The following ATP6V0D2 variants were observed in gnomAD, a reference collection of about 807,000 sequenced individuals.
The protein encoded by ATP6V0D2 is V-type proton ATPase subunit d 2.
ATP6V0D2 carries 40 observed loss-of-function variants against 40.0 expected under a neutral mutation model. The ratio of observed to expected loss-of-function variants is 1.00; its 90% CI spans 0.78 to 1.30. The LOEUF is 1.30. ATP6V0D2 is among the 50% of genes most tolerant of loss of function. ATP6V0D2 has a pLI of 0.00. For synonymous variants in ATP6V0D2, 179 were observed against 156.3 expected, an observed-to-expected ratio of 1.15 and a Z score of -1.08; for missense variants, 470 against 423.1, an observed-to-expected ratio of 1.11 and a Z score of -0.97.
rs116227828 is a variant in ATP6V0D2, at chr8:86,127,979, G to C, written c.303-11478G>C. 9.8e-3 allele frequency among the ~76,000 whole-genome samples: 1,486 copies of C among 152,242 alleles called. 21 individuals are homozygous for C. The highest frequency in any genetic ancestry group is 0.034 in the African/African-American group (1,400 of 41,544). ...TGCCTGTAATCTCAGCACTTTGGAA[G>C]GCCATGGTGGAAAGATCACTTGAGC... On this transcript the variant is annotated intron_variant, in intron 2 of 7. Coordinates refer to ENST00000285393, the MANE Select transcript of ATP6V0D2 (RefSeq NM_152565.1).
At chr8:86,110,278 A>C (rs1818514685) in intron 1 of ATP6V0D2, among the ~76,000 whole-genome samples, 1 of 152,126 alleles carries the variant, frequency 6.6e-6, no homozygotes. Flanking sequence ...TCTTTTTAGT[A>C]GAGACGGGGT....
At chr8:86,105,042 A>G (rs978838896) in intron 1 of ATP6V0D2, among the ~76,000 whole-genome samples, 14 of 152,148 alleles carry the variant, frequency 9.2e-5, no homozygotes, top group Admixed American at 1.3e-4. Flanking sequence ...ATCTCCCTTT[A>G]AAGTCTTCAT....
rs752400704 is a variant in ATP6V0D2 at position 86,113,691 on chromosome 8, G to T, written c.131-18G>T. Reference sequence around the variant, plus strand: ...ATGTTCAAAATTTAACCTGAATTGGGGTTTCATTTAATTTCAGACCTGAAA... The same window carrying T: ...ATGTTCAAAATTTAACCTGAATTGGTGTTTCATTTAATTTCAGACCTGAAA... On this transcript the variant is annotated intron_variant, in intron 1 of 7. Transcript: ENST00000285393. 4.4e-6 allele frequency: 7 copies of T among 1,577,220 alleles called. No homozygotes were observed. The highest frequency in any genetic ancestry group is 1.7e-6 in the Non-Finnish European group (2 of 1,161,712).
chr8:86,134,300 T>G (rs1009112980), intron 2 of ATP6V0D2, among the ~76,000 whole-genome samples: 1 of 152,118 alleles, frequency 6.6e-6, no homozygotes, highest in East Asian at 1.9e-4. Context: ...AGACCTACTC[T>G]AAAAGAATGG....
At chr8:86,147,959 C>A (rs976413249) in intron 5 of ATP6V0D2, among the ~76,000 whole-genome samples, 2 of 152,176 alleles carry the variant, frequency 1.3e-5, no homozygotes, top group African/African-American at 2.4e-5. Context: ...GCTGTCCTTC[C>A]CACTTCTCCA....
intron 1 of ATP6V0D2, among the ~76,000 whole-genome samples, chr8:86,099,313 C>T (rs576337284): frequency 3.9e-5 from 6 of 152,188 alleles, no homozygotes; most frequent in Admixed American, 2.6e-4. Context: ...TCTAAGTGAA[C>T]TATAACATCT....
At chr8:86,126,361 A>G (rs1449619585) in intron 2 of ATP6V0D2, among the ~76,000 whole-genome samples, 2 of 149,926 alleles carry the variant, frequency 1.3e-5, no homozygotes, top group Non-Finnish European at 3.0e-5. Context: ...TGCACAGATC[A>G]TCCCATCACC....
At chr8:86,110,386 C>T (rs1401063650) in intron 1 of ATP6V0D2, among the ~76,000 whole-genome samples, 2 of 152,198 alleles carry the variant, frequency 1.3e-5, no homozygotes, top group Non-Finnish European at 2.9e-5. Context: ...TGGGCCACCA[C>T]GCCCAGCCTA....
chr8:86,124,323 AT>A (rs916560228), intron 2 of ATP6V0D2, among the ~76,000 whole-genome samples: 1 of 152,220 alleles, frequency 6.6e-6, no homozygotes, highest in African/African-American at 2.4e-5. Flanking sequence ...TATTCATTTA[AT>A]CAGCATAACA....
chr8:86,108,180 T>A (rs1818491301), intron 1 of ATP6V0D2, among the ~76,000 whole-genome samples: 3 of 152,200 alleles, frequency 2.0e-5, no homozygotes. Context: ...CTCACTCTAT[T>A]TCCTGAGCCA....
chr8:86,113,258 C>A (rs1235330796), intron 1 of ATP6V0D2, among the ~76,000 whole-genome samples: 1 of 151,896 alleles, frequency 6.6e-6, no homozygotes, highest in African/African-American at 2.4e-5. Flanking sequence ...GTGGACAGAT[C>A]ACTTGAGGTC....
In ATP6V0D2 at chr8:86,150,834, A is replaced by G. The variant is rs368484620; in HGVS notation, c.816+546A>G. Among the ~76,000 whole-genome samples, 18 of 152,262 alleles carry G rather than the reference A, an allele frequency of 1.2e-4. No individual in the cohort carries two copies. The East Asian group carries it at 2.9e-3, about 25-fold the overall frequency. On this transcript the variant is annotated intron_variant, in intron 6 of 7. Coordinates refer to ENST00000285393, the MANE Select transcript of ATP6V0D2 (RefSeq NM_152565.1). ...GCTCTTGGAGCGCCTGAAGCTCCTC[A>G]GCTTAAGGTTGTACACTTTGGCTCA...
chr8:86,110,372 G>T (rs932540237), intron 1 of ATP6V0D2, among the ~76,000 whole-genome samples: 4 of 152,208 alleles, frequency 2.6e-5, no homozygotes, highest in Middle Eastern at 3.2e-3. Context: ...TGGGATTACA[G>T]GCGTGGGCCA....
At chr8:86,104,322 G>A (rs1024623656) in intron 1 of ATP6V0D2, among the ~76,000 whole-genome samples, 9 of 152,116 alleles carry the variant, frequency 5.9e-5, no homozygotes, top group Non-Finnish European at 1.0e-4. Flanking sequence ...TTATAGGCCT[G>A]AGCCACCACA....
intron 5 of ATP6V0D2, among the ~76,000 whole-genome samples, chr8:86,145,521 G>A (rs1020752364): frequency 6.6e-6 from 1 of 152,048 alleles, no homozygotes; most frequent in African/African-American, 2.4e-5. Context: ...AAATATTCTT[G>A]TTCTTATCTA....
chr8:86,099,194 C>T, intron 1 of ATP6V0D2, 86 bp downstream of exon 1: 1 of 1,399,110 alleles, frequency 7.1e-7, no homozygotes, highest in Non-Finnish European at 9.4e-7. Context: ...AAAAAAAGCC[C>T]ATAATCATAT....
intron 2 of ATP6V0D2, among the ~76,000 whole-genome samples, chr8:86,120,813 C>T (rs1217928061): frequency 6.6e-6 from 1 of 152,164 alleles, no homozygotes; most frequent in Non-Finnish European, 1.5e-5. Context: ...GAAGGGATTC[C>T]ATTCCAGGTC....
At position 86,152,942 on chromosome 8, in the gene ATP6V0D2, C is replaced by A. The variant is rs754919411; in HGVS notation, c.1018C>A (p.Arg340=). The A allele has an allele frequency of 6.2e-7, 1 of 1,605,908 alleles. No homozygotes were observed. The highest frequency in any genetic ancestry group is 8.5e-7 in the Non-Finnish European group (1 of 1,177,018). ...AGCAGAATGTATTTCACAGAGGCAT[C>A]GAACTAAAATCAACAGTTACATTCC... is the stretch of plus-strand genomic sequence containing the variant. ...WIAECISQRH[R]TKINSYIPIL is the part of the protein sequence containing the mutation. Residue 340 remains arginine, a synonymous_variant, in exon 8 of 8, where the codon CGA becomes AGA. Coordinates refer to ENST00000285393, the MANE Select transcript of ATP6V0D2 (RefSeq NM_152565.1).
At chr8:86,148,914 A>G (rs970180708) in intron 5 of ATP6V0D2, among the ~76,000 whole-genome samples, 1 of 151,726 alleles carries the variant, frequency 6.6e-6, no homozygotes, top group African/African-American at 2.4e-5. Flanking sequence ...TCTACAAGAA[A>G]AATTACCTGG....
Sources: gnomAD v4.1 joint callset for allele counts (sites outside exome capture counted in the v4.1 genomes callset) on GRCh38, gnomAD v4.1.1 for gene constraint, MANE v1.5 for transcripts, NCBI Gene and HGNC (gene_info 2026-07-23, HGNC 2026-07-21) for gene names.